KNG1: variants seen among roughly 807,000 people sequenced by gnomAD.
KNG1 encodes the protein kininogen-1.
KNG1 carries 23 observed loss-of-function variants against 47.8 expected under a neutral mutation model. The observed-to-expected ratio is 0.48, with a 90% confidence interval of 0.35 to 0.68. The LOEUF is 0.68. KNG1 is among the 30% of genes least tolerant of loss of function. The pLI is 0.01. For synonymous variants in KNG1, 277 were observed against 277.0 expected (o/e 1.00, Z 0.00); for missense variants, 762 against 790.2 (o/e 0.96, Z 0.43).
At chr3:186,725,453 T>TAGG (rs1720332821) in intron 4 of KNG1, among the ~76,000 whole-genome samples, 193 bp downstream of exon 4, 1 of 151,922 alleles carries the variant, frequency 6.6e-6, no homozygotes, top group Non-Finnish European at 1.5e-5. Context: ...CAGACCCCCT[T>TAGG]CCTTTGATGT....
chr3:186,738,152 AT>A (rs1191074251), intron 7 of KNG1, among the ~76,000 whole-genome samples: 3 of 151,544 alleles, frequency 2.0e-5, no homozygotes, highest in African/African-American at 4.9e-5. Flanking sequence ...TAATTTTTAT[AT>A]TTTTAGTAGA....
At chr3:186,739,292 C>T in intron 8 of KNG1, 36 bp from the exon 9 acceptor site, 1 of 1,579,684 alleles carries the variant, frequency 6.3e-7, no homozygotes, top group Non-Finnish European at 8.7e-7. Context: ...TCGTGAATAA[C>T]ACTGTCTCTC....
intron 9 of KNG1, among the ~76,000 whole-genome samples, chr3:186,740,998 G>T (rs1720796197): frequency 6.6e-6 from 1 of 150,846 alleles, no homozygotes; most frequent in African/African-American, 2.4e-5. Context: ...TGTTGTTGTT[G>T]TTTGTTTTTT....
At chr3:186,727,608 G>A (rs748456712) in intron 5 of KNG1, among the ~76,000 whole-genome samples, 1 of 152,158 alleles carries the variant, frequency 6.6e-6, no homozygotes, top group African/African-American at 2.4e-5. Flanking sequence ...ATCTCAATCT[G>A]TTCCCCAGGC....
At chr3:186,724,908 A>G (rs1393038984) in intron 3 of KNG1, among the ~76,000 whole-genome samples, 180 bp from the exon 4 acceptor site, 2 of 151,958 alleles carry the variant, frequency 1.3e-5, no homozygotes, top group Non-Finnish European at 2.9e-5. Context: ...ATGGGGTTTC[A>G]CCATGTTAGT....
chr3:186,732,105 GA>G (rs1198600758), intron 6 of KNG1, among the ~76,000 whole-genome samples: 14 of 152,146 alleles, frequency 9.2e-5, no homozygotes, highest in African/African-American at 3.4e-4. Context: ...CTCATAGTTG[GA>G]AAACGTTTGT....
At chr3:186,738,422 G>A (rs549770966) in intron 7 of KNG1, 1 of 152,060 alleles carries the variant, frequency 6.6e-6, no homozygotes, top group African/African-American at 2.4e-5. Flanking sequence ...GGACAATAAG[G>A]CATATTTAAA....
At chr3:186,727,020 A>ATGTG (rs139519865) in intron 4 of KNG1, among the ~76,000 whole-genome samples, 3,862 of 104,644 alleles carry the variant, frequency 0.037, 143 homozygotes, top group African/African-American at 0.1. Flanking sequence ...CTAGCGGTGT[A>ATGTG]TGTGTGTGTG....
intron 2 of KNG1, chr3:186,722,166 A>G (rs1720221496): frequency 3.3e-6 from 1 of 301,332 alleles, no homozygotes; most frequent in African/African-American, 2.2e-5. Context: ...AAAAAGAAAT[A>G]CCCTCCAGGG....
intron 1 of KNG1, among the ~76,000 whole-genome samples, chr3:186,719,050 AG>A (rs1401225728): frequency 6.6e-6 from 1 of 152,190 alleles, no homozygotes; most frequent in African/African-American, 2.4e-5. Context: ...AAATAAACAC[AG>A]TGGACATGTT....
intron 4 of KNG1, among the ~76,000 whole-genome samples, chr3:186,725,576 T>G (rs1289402319): frequency 2.1e-5 from 3 of 142,470 alleles, no homozygotes; most frequent in Non-Finnish European, 4.5e-5. Context: ...ACAGAGTCTC[T>G]CTCTGTCGCC....
At position 186,743,036 on chromosome 3, in the gene KNG1, T is replaced by A. The variant is rs1720855845; in HGVS notation, c.*705T>A. 2.6e-6 allele frequency: 2 copies of A among 755,274 alleles called. No homozygotes were observed. Among genetic ancestry groups the A allele is most frequent in the African/African-American group, 3.8e-5 (2 of 52,784 alleles). 46.8% of individuals were successfully genotyped at this position (755,274 alleles called of 1,614,324 possible). On this transcript the variant is annotated 3_prime_UTR_variant, in exon 10 of 10. Coordinates refer to ENST00000644859, the MANE Select transcript of KNG1 (RefSeq NM_001102416.3). ...TGGGCTAGTTATATCAAATAAATAC[T>A]CCCACTGCCCTTTCTGAGTGAGAGT...
chr3:186,741,810 G>A lies in KNG1; in HGVS notation c.1414G>A (p.Gly472Ser). The part of the protein sequence containing the change: ...GHGHEQQHGL[G>S]HGHKFKLDDD... ...TGGACACGAACAACAGCATGGTCTT[G>A]GTCATGGACATAAGTTCAAACTTGA... Residue 472 changes from glycine to serine, a missense_variant, in exon 10 of 10, where the codon GGT becomes AGT. Physicochemically the swap from Gly to Ser is moderately conservative, Grantham distance 56. Transcript: ENST00000644859. The A allele has an allele frequency of 1.2e-6, 2 of 1,613,920 alleles. No homozygotes were observed. Among genetic ancestry groups the A allele is most frequent in the Non-Finnish European group, 1.7e-6 (2 of 1,179,922 alleles).
rs1720227074 is a variant in KNG1 at position 186,722,349 on chromosome 3, T to G, written c.307-88T>G. ...TCACAAGTTTTGTTTTGTTTTGCTT[T>G]TTAAGGAAAGCCACATTTAGCAACA... is the stretch of plus-strand genomic sequence containing the variant. On this transcript the variant is annotated intron_variant, in intron 2 of 9. Coordinates refer to ENST00000644859, the MANE Select transcript of KNG1 (RefSeq NM_001102416.3). 2.7e-6 allele frequency: 3 copies of G among 1,113,256 alleles called. No individual in the cohort carries two copies. In the Admixed American group the frequency reaches 6.0e-5, roughly 22 times the overall value. The allele number at this position is 1,113,256 out of a possible 1,614,324, so 69.0% of individuals were successfully genotyped here.
rs1233925934 is a variant in KNG1 at position 186,732,558 on chromosome 3, CCCA to C, written c.818_820del (p.Thr273del). 1 of 1,614,002 alleles carries C rather than the reference CCCA, an allele frequency of 6.2e-7. No individual in the cohort carries two copies. Among genetic ancestry groups the C allele is most frequent in the African/African-American group, 1.3e-5 (1 of 74,914 alleles). On this transcript the variant is annotated inframe_deletion, in exon 7 of 10. Coordinates refer to ENST00000644859, the MANE Select transcript of KNG1 (RefSeq NM_001102416.3). ...TTGCGTGGGCTGCCCCAGAGATATA[CCCA>C]CCAACAGCCCAGAGCTGGAGGAGAC...
Position 186,720,232 on chromosome 3 carries a change from T to G in KNG1, c.306+17T>G. 2 of 1,510,998 alleles carry G rather than the reference T, an allele frequency of 1.3e-6. No individual in the cohort carries two copies. Among genetic ancestry groups the G allele is most frequent in the Non-Finnish European group, 1.8e-6 (2 of 1,086,452 alleles). The allele number at this position is 1,510,998 out of a possible 1,614,324, so 93.6% of individuals were successfully genotyped here. ...GCAAAAGCAGTAAGTGTATTGGCCA[T>G]TCTTGGGCCTTCTGTTTTCTCCGTT... On this transcript the variant is annotated intron_variant, in intron 2 of 9. Transcript: ENST00000644859.
At position 186,731,627 on chromosome 3, in the gene KNG1, C is replaced by T; in HGVS notation, c.755C>T (p.Pro252Leu). 6.3e-7 allele frequency: 1 copy of T among 1,583,830 alleles called. No homozygotes were observed. The highest frequency in any genetic ancestry group is 8.7e-7 in the Non-Finnish European group (1 of 1,152,506). Residue 252 changes from proline (P) to leucine (L), a missense_variant and splice_region_variant, in exon 6 of 10, where the codon CCA becomes CTA. Physicochemically the swap from Pro to Leu is moderately conservative, Grantham distance 98 (BLOSUM62 -3). Transcript: ENST00000644859. Reference protein sequence around the residue: ...ASFSQNCDIYPGKDFVQPPTK... With the variant: ...ASFSQNCDIYLGKDFVQPPTK... ...TTCTCACAGAACTGTGACATTTATC[C>T]AGGTAAGGAATAACACATGTTGGCA...
At chr3:186,720,784 C>CA (rs1720170571) in intron 2 of KNG1, among the ~76,000 whole-genome samples, 2 of 89,778 alleles carry the variant, frequency 2.2e-5, no homozygotes, top group South Asian at 9.6e-4. Flanking sequence ...TGTTGTTTTG[C>CA]TTTTTTTTTT....
intron 2 of KNG1, 130 bp from the exon 3 acceptor site, chr3:186,722,307 C>A: frequency 1.4e-6 from 1 of 736,032 alleles, no homozygotes; most frequent in Non-Finnish European, 2.3e-6. Context: ...TGTCTCAAAA[C>A]TCTTTTGGTA....
Sources: gnomAD v4.1 joint callset for allele counts (sites outside exome capture counted in the v4.1 genomes callset) on GRCh38, gnomAD v4.1.1 for gene constraint, MANE v1.5 for transcripts, NCBI Gene and HGNC (gene_info 2026-07-23, HGNC 2026-07-21) for gene names.